The following CEP112 variants were observed in gnomAD, a reference collection of about 807,000 sequenced individuals.
CEP112 encodes the protein centrosomal protein of 112 kDa.
In CEP112, 127 loss-of-function variants were observed where a neutral mutation model predicts 153.0. That is an observed-to-expected ratio of 0.83 (90% confidence interval 0.72 to 0.96). The LOEUF (loss-of-function observed/expected upper bound fraction) is 0.96, where lower values mean the gene tolerates loss of function less well. Ranked by LOEUF, CEP112 falls within the 40% of genes least tolerant of loss-of-function variation. CEP112 has a pLI of 0.00. For synonymous variants in CEP112, 358 were observed against 374.4 expected, an observed-to-expected ratio of 0.96 and a Z score of 0.51; for missense variants, 1,089 against 1,101.2, an observed-to-expected ratio of 0.99 and a Z score of 0.16.
chr17:65,670,071 G>T (rs2046907811), intron 24 of CEP112, among the ~76,000 whole-genome samples: 1 of 152,058 alleles, frequency 6.6e-6, no homozygotes, highest in African/African-American at 2.4e-5. Flanking sequence ...AGTAGGTGCT[G>T]AATAAATGTT....
intron 21 of CEP112, among the ~76,000 whole-genome samples, chr17:65,811,315 T>C (rs924519357): frequency 6.6e-6 from 1 of 152,088 alleles, no homozygotes; most frequent in African/African-American, 2.4e-5. Flanking sequence ...AGTGAAAACA[T>C]GAAGAAGTTA....
At chr17:65,823,296 C>T (rs1436192743) in intron 21 of CEP112, among the ~76,000 whole-genome samples, 3 of 151,974 alleles carry the variant, frequency 2.0e-5, no homozygotes, top group African/African-American at 4.8e-5. Context: ...ATAAAAGCTA[C>T]AGTAATCAAG....
chr17:65,651,707 T>TTTTC (rs1046790145), intron 24 of CEP112, among the ~76,000 whole-genome samples: 14 of 151,366 alleles, frequency 9.2e-5, no homozygotes, highest in Non-Finnish European at 1.8e-4. Flanking sequence ...CCTTCCTTTC[T>TTTTC]TTTCTTTCTT....
At chr17:66,113,989 G>C (rs566913759) in intron 6 of CEP112, among the ~76,000 whole-genome samples, 39 of 152,218 alleles carry the variant, frequency 2.6e-4, no homozygotes, top group African/African-American at 9.1e-4. Context: ...TTTTAGAAAA[G>C]TTCTTCTTCT....
chr17:65,862,989 A>G (rs577573264), intron 20 of CEP112, among the ~76,000 whole-genome samples: 32 of 152,236 alleles, frequency 2.1e-4, no homozygotes, highest in Middle Eastern at 3.4e-3. Flanking sequence ...AAAAAATAAT[A>G]TATTCTCTTC....
intron 17 of CEP112, among the ~76,000 whole-genome samples, chr17:65,962,497 A>G (rs2062241908): frequency 6.6e-6 from 1 of 152,246 alleles, no homozygotes; most frequent in African/African-American, 2.4e-5. Context: ...GCATGTTGAT[A>G]GAAGAAAAAA....
intron 17 of CEP112, among the ~76,000 whole-genome samples, chr17:65,979,148 C>T (rs2063137479): frequency 1.3e-5 from 2 of 151,984 alleles, no homozygotes; most frequent in Middle Eastern, 3.4e-3. Flanking sequence ...AACAGCTGCT[C>T]CCCACCCCCA....
At chr17:66,054,878 T>A (rs1226080104) in intron 11 of CEP112, among the ~76,000 whole-genome samples, 1 of 152,198 alleles carries the variant, frequency 6.6e-6, no homozygotes, top group Admixed American at 6.5e-5. Context: ...TGCCTCAGCC[T>A]CCCAAGTAGC....
chr17:66,186,628 G>C (rs2072948071), intron 1 of CEP112, among the ~76,000 whole-genome samples: 3 of 152,074 alleles, frequency 2.0e-5, no homozygotes, highest in Admixed American at 2.0e-4. Context: ...TATTCCACTA[G>C]ATCTTTCCTT....
At chr17:66,060,894 G>A (rs1409803865) in intron 11 of CEP112, among the ~76,000 whole-genome samples, 25 of 141,290 alleles carry the variant, frequency 1.8e-4, no homozygotes, top group Admixed American at 2.1e-4. Flanking sequence ...CAAAAGCAAG[G>A]AAAAAAAAAA....
chr17:65,759,743 G>A (rs577332874), intron 21 of CEP112, among the ~76,000 whole-genome samples: 2 of 152,052 alleles, frequency 1.3e-5, no homozygotes, highest in South Asian at 2.1e-4. Context: ...TGAGGTAAGC[G>A]CTCATTTAGT....
intron 12 of CEP112, among the ~76,000 whole-genome samples, chr17:66,039,773 A>G (rs182683189): frequency 1.2e-3 from 177 of 152,240 alleles, no homozygotes; most frequent in Non-Finnish European, 1.8e-3. Flanking sequence ...CACTATTTTG[A>G]CCTCTATCAG....
At chr17:65,668,716 T>C (rs2046821510) in intron 24 of CEP112, among the ~76,000 whole-genome samples, 1 of 152,198 alleles carries the variant, frequency 6.6e-6, no homozygotes, top group Non-Finnish European at 1.5e-5. Context: ...TCCATGTTTG[T>C]TAGAATTTGG....
intron 1 of CEP112, among the ~76,000 whole-genome samples, chr17:66,185,152 G>A (rs2072875026): frequency 6.6e-6 from 1 of 152,102 alleles, no homozygotes; most frequent in Non-Finnish European, 1.5e-5. Context: ...CACTATCTAT[G>A]TAGGAAGTTA....
At chr17:65,647,298 C>T (rs777017760) in intron 24 of CEP112, among the ~76,000 whole-genome samples, 5 of 151,436 alleles carry the variant, frequency 3.3e-5, no homozygotes, top group South Asian at 2.1e-4. Context: ...CTCAGCCTCC[C>T]GAGTAGCTGG....
At chr17:65,806,954 G>T (rs2055641605) in intron 21 of CEP112, among the ~76,000 whole-genome samples, 1 of 152,186 alleles carries the variant, frequency 6.6e-6, no homozygotes. Context: ...ACGAACAGAG[G>T]TTGGAACAGT....
At chr17:66,064,649 G>A (rs559310722) in intron 10 of CEP112, among the ~76,000 whole-genome samples, 34 of 152,250 alleles carry the variant, frequency 2.2e-4, no homozygotes, top group African/African-American at 7.0e-4. Context: ...TTAACCTAAT[G>A]TGGGTCTTTA....
intron 23 of CEP112, among the ~76,000 whole-genome samples, chr17:65,738,160 T>C (rs2050910847): frequency 6.6e-6 from 1 of 152,108 alleles, no homozygotes; most frequent in Admixed American, 6.5e-5. Context: ...AAGTAAAAAC[T>C]GTGGGAATGG....
chr17:66,083,796 A>G (rs1298512605), intron 8 of CEP112, among the ~76,000 whole-genome samples: 1 of 152,204 alleles, frequency 6.6e-6, no homozygotes, highest in African/African-American at 2.4e-5. Flanking sequence ...GGTTGCAGTG[A>G]GCCAAGATTG....
Sources: allele counts gnomAD v4.1 joint callset (sites outside exome capture counted in the v4.1 genomes callset), GRCh38; gene constraint gnomAD v4.1.1; transcripts MANE v1.5; gene names NCBI Gene and HGNC (gene_info 2026-07-23, HGNC 2026-07-21).